Variants in FUT8 observed in about 807,000 individuals in gnomAD.
FUT8 encodes the protein alpha-(1,6)-fucosyltransferase.
FUT8 carries 29 observed loss-of-function variants against 71.3 expected under a neutral mutation model. The observed-to-expected ratio is 0.41, with a 90% CI of 0.30 to 0.55. The LOEUF (loss-of-function observed/expected upper bound fraction) is 0.55. Among genes scored for constraint, FUT8 ranks in the 20% least tolerant of loss-of-function variants. The pLI, the probability that FUT8 is intolerant of heterozygous loss-of-function variation, is 0.34. For synonymous variants in FUT8, 254 were observed against 239.3 expected (o/e 1.06, Z -0.57); for missense variants, 544 against 702.1 (o/e 0.77, Z 2.55).
chr14:65,359,225 G>A, the FUT8 span, among the ~76,000 whole-genome samples: 2 of 152,298 alleles, frequency 1.3e-5, no homozygotes, highest in East Asian at 3.9e-4. Context: ...TCTGGAGCTT[G>A]AGCTGGAATC....
intron 10 of FUT8, among the ~76,000 whole-genome samples, chr14:65,735,665 ATAG>A (rs1427475279): frequency 4.3e-4 from 66 of 152,196 alleles, no homozygotes; most frequent in African/African-American, 1.6e-3. Context: ...TTACATTTAT[ATAG>A]TGAGTAGCAG....
At chr14:65,392,822 T>G in the FUT8 span, among the ~76,000 whole-genome samples, 1 of 152,182 alleles carries the variant, frequency 6.6e-6, no homozygotes, top group Admixed American at 6.5e-5. Context: ...AGGGGCCCAC[T>G]GTTAGTGTTG....
intron 6 of FUT8, among the ~76,000 whole-genome samples, chr14:65,657,312 C>T (rs970489001): frequency 2.0e-5 from 3 of 152,154 alleles, no homozygotes; most frequent in South Asian, 2.1e-4. Flanking sequence ...GATCCAGCAA[C>T]CCAGCTGCTG....
intron 7 of FUT8, among the ~76,000 whole-genome samples, chr14:65,703,306 T>G (rs1487348588): frequency 6.6e-6 from 1 of 152,192 alleles, no homozygotes; most frequent in Non-Finnish European, 1.5e-5. Context: ...TCTTCTTCCC[T>G]CCTCCCACTT....
intron 6 of FUT8, among the ~76,000 whole-genome samples, chr14:65,642,522 G>A (rs928642768): frequency 1.4e-5 from 2 of 147,404 alleles, no homozygotes; most frequent in Non-Finnish European, 3.0e-5. Context: ...AGAATCTCTT[G>A]AACCCAGGAG....
intron 7 of FUT8, among the ~76,000 whole-genome samples, chr14:65,679,580 A>T (rs1373382296): frequency 6.6e-6 from 1 of 152,344 alleles, no homozygotes; most frequent in Non-Finnish European, 1.5e-5. Context: ...CATGATTTAT[A>T]TATTGCCTCA....
chr14:65,691,012 C>T (rs1427665266), intron 7 of FUT8, among the ~76,000 whole-genome samples: 1 of 146,474 alleles, frequency 6.8e-6, no homozygotes, highest in Non-Finnish European at 1.5e-5. Context: ...AGGCGTGAGC[C>T]ACCACGCCCA....
At chr14:65,366,876 G>C in the FUT8 span, among the ~76,000 whole-genome samples, 3 of 152,206 alleles carry the variant, frequency 2.0e-5, no homozygotes, top group Non-Finnish European at 4.4e-5. Context: ...TGGTTCTGAA[G>C]AGGCTACAGA....
chr14:65,406,444 G>A (rs924807160), upstream of FUT8, among the ~76,000 whole-genome samples: 3 of 152,180 alleles, frequency 2.0e-5, no homozygotes, highest in African/African-American at 7.2e-5. Context: ...CAAGTCAACC[G>A]CAAGGAGACA....
chr14:65,720,175 A>G (rs1394480935), intron 7 of FUT8, among the ~76,000 whole-genome samples: 5 of 152,060 alleles, frequency 3.3e-5, no homozygotes, highest in African/African-American at 1.2e-4. Context: ...CATCCAAACC[A>G]TAAGGCAAAG....
the FUT8 span, among the ~76,000 whole-genome samples, chr14:65,384,324 C>G: frequency 6.6e-6 from 1 of 152,242 alleles, no homozygotes; most frequent in Admixed American, 6.5e-5. The surrounding 1 kb of genome is among the most constrained non-coding windows in gnomAD (Gnocchi z 4.2). Flanking sequence ...TCATAGCTCA[C>G]AACAGCCTCC....
chr14:65,580,361 T>C (rs1011904351), intron 3 of FUT8, among the ~76,000 whole-genome samples: 6 of 151,606 alleles, frequency 4.0e-5, no homozygotes, highest in Non-Finnish European at 2.9e-5. Flanking sequence ...AGTAAAAATA[T>C]AATCTTGTGG....
At chr14:65,442,362 T>C (rs564700863) in intron 1 of FUT8, among the ~76,000 whole-genome samples, 1 of 151,820 alleles carries the variant, frequency 6.6e-6, no homozygotes, top group South Asian at 2.1e-4. Context: ...TTTGTATTTT[T>C]AGTAGAGACA....
At chr14:65,616,687 A>G (rs1889301350) in intron 5 of FUT8, among the ~76,000 whole-genome samples, 1 of 152,222 alleles carries the variant, frequency 6.6e-6, no homozygotes, top group African/African-American at 2.4e-5. Context: ...ATATATAATC[A>G]GTATTTGAAG....
chr14:65,588,445 T>C (rs7157497), intron 3 of FUT8, among the ~76,000 whole-genome samples: 2,705 of 152,338 alleles, frequency 0.018, 81 homozygotes, highest in African/African-American at 0.062. Flanking sequence ...TGTTATTACA[T>C]GTGCTGCAAT....
intron 2 of FUT8, among the ~76,000 whole-genome samples, chr14:65,480,409 A>G (rs1252473265): frequency 2.7e-5 from 4 of 147,372 alleles, no homozygotes; most frequent in Admixed American, 2.1e-4. Flanking sequence ...CAACCTCCCC[A>G]GGCTTAGGTG....
rs144244043 is a variant in FUT8, at chr14:65,429,268, A to T, written c.-326+16054A>T. Among the ~76,000 whole-genome samples, 66 of 152,362 alleles carry T rather than the reference A, an allele frequency of 4.3e-4. No homozygotes were observed. The East Asian group carries it at 7.3e-3, about 17-fold the overall frequency. Reference sequence around the variant, plus strand: ...CAGGGCTTGTTATTTTACCTACAGTAGTAGGAAGTATGGCTATTAAATGAT... The same window carrying T: ...CAGGGCTTGTTATTTTACCTACAGTTGTAGGAAGTATGGCTATTAAATGAT... On this transcript the variant is annotated intron_variant, in intron 1 of 10. Coordinates refer to ENST00000673929, the MANE Select transcript of FUT8 (RefSeq NM_001371533.1).
At chr14:65,681,739 C>G (rs1229086704) in intron 7 of FUT8, among the ~76,000 whole-genome samples, 1 of 152,122 alleles carries the variant, frequency 6.6e-6, no homozygotes, top group Non-Finnish European at 1.5e-5. Flanking sequence ...ACAGTAATAG[C>G]TAATATTTAG....
At chr14:65,421,567 A>G (rs769900723) in intron 1 of FUT8, among the ~76,000 whole-genome samples, 1 of 152,212 alleles carries the variant, frequency 6.6e-6, no homozygotes, top group Non-Finnish European at 1.5e-5. Flanking sequence ...AGTCTTGAAC[A>G]ATCAGACAGT....
Sources: allele counts gnomAD v4.1 joint callset (sites outside exome capture counted in the v4.1 genomes callset), GRCh38; gene constraint gnomAD v4.1.1; non-coding constraint Gnocchi (gnomAD v3.1); transcripts MANE v1.5; gene names NCBI Gene and HGNC (gene_info 2026-07-23, HGNC 2026-07-21).